PEBP4: variants seen among roughly 807,000 people sequenced by gnomAD.
The protein encoded by PEBP4 is phosphatidylethanolamine-binding protein 4.
A neutral mutation model predicts 23.9 loss-of-function variants in PEBP4; 22 were observed. The ratio of observed to expected loss-of-function variants is 0.92; its 90% CI spans 0.66 to 1.31. PEBP4 has a LOEUF of 1.31. PEBP4 is among the 40% of genes most tolerant of loss of function. The pLI, the probability that PEBP4 is intolerant of heterozygous loss-of-function variation, is 0.00. For synonymous variants in PEBP4, 112 were observed against 99.3 expected, an observed-to-expected ratio of 1.13 and a Z score of -0.76; for missense variants, 324 against 281.7, an observed-to-expected ratio of 1.15 and a Z score of -1.07.
intron 4 of PEBP4, chr8:22,744,667 CAGA>C (rs1462687487): frequency 2.0e-5 from 3 of 152,274 alleles, no homozygotes; most frequent in Non-Finnish European, 2.9e-5. Context: ...GGGGGCACGA[CAGA>C]AGAAGAGGAA....
chr8:22,802,195 TC>T (rs1344791815), intron 4 of PEBP4, among the ~76,000 whole-genome samples: 1 of 152,288 alleles, frequency 6.6e-6, no homozygotes, highest in East Asian at 1.9e-4. Context: ...CTCTCCCGAC[TC>T]TGGGCCACTG....
chr8:22,902,186 G>A (rs536157317), intron 3 of PEBP4, among the ~76,000 whole-genome samples: 28 of 152,090 alleles, frequency 1.8e-4, no homozygotes, highest in Admixed American at 1.3e-3. Flanking sequence ...AAAATTAGCC[G>A]GGCTTGGTGG....
intron 3 of PEBP4, among the ~76,000 whole-genome samples, chr8:22,857,227 T>TA (rs1807672484): frequency 7.0e-6 from 1 of 142,210 alleles, no homozygotes; most frequent in Non-Finnish European, 1.5e-5. Context: ...TTTCCTACTT[T>TA]AAAAAATGAA....
chr8:22,736,559 G>T (rs1804864315), intron 4 of PEBP4, among the ~76,000 whole-genome samples: 1 of 152,184 alleles, frequency 6.6e-6, no homozygotes, highest in African/African-American at 2.4e-5. Context: ...GAGCTATATT[G>T]TTGCACCACT....
intron 3 of PEBP4, among the ~76,000 whole-genome samples, chr8:22,914,469 C>G (rs921875092): frequency 6.6e-6 from 1 of 152,088 alleles, no homozygotes; most frequent in African/African-American, 2.4e-5. Context: ...CCTGGCAAAG[C>G]GGTGGTGTGA....
chr8:22,726,765 G>A (rs1400023603), intron 5 of PEBP4, among the ~76,000 whole-genome samples: 1 of 152,130 alleles, frequency 6.6e-6, no homozygotes, highest in South Asian at 2.1e-4. Flanking sequence ...TAAGTTTGGT[G>A]CCCAGTGCTG....
chr8:22,829,199 A>G lies in PEBP4; in HGVS notation c.259-11464T>C, dbSNP rs893009262. Among the ~76,000 whole-genome samples, 3 of 152,174 alleles carry G rather than the reference A, an allele frequency of 2.0e-5. No individual in the cohort carries two copies. The East Asian group carries it at 5.8e-4, about 29-fold the overall frequency. Reference sequence around the variant, plus strand: ...CAAAACCCCAAAGCTGGGTAAACCCAGCTTTCCTTTACTTCCATGTGTGAC... The same window carrying G: ...CAAAACCCCAAAGCTGGGTAAACCCGGCTTTCCTTTACTTCCATGTGTGAC... On this transcript the variant is annotated intron_variant, in intron 3 of 6. Transcript: ENST00000256404.
At chr8:22,790,906 T>C (rs1027081038) in intron 4 of PEBP4, among the ~76,000 whole-genome samples, 2 of 152,212 alleles carry the variant, frequency 1.3e-5, no homozygotes, top group African/African-American at 2.4e-5. Flanking sequence ...ATACAGTCTT[T>C]AGCAGGCGGC....
chr8:22,734,891 C>T (rs1804824871), intron 4 of PEBP4, among the ~76,000 whole-genome samples: 1 of 152,158 alleles, frequency 6.6e-6, no homozygotes, highest in South Asian at 2.1e-4. Flanking sequence ...GAGCTTCACC[C>T]AGAGCGTCAC....
intron 6 of PEBP4, among the ~76,000 whole-genome samples, chr8:22,721,359 A>C (rs10503717): frequency 0.24 from 36,603 of 151,978 alleles, 4,587 homozygotes; most frequent in Admixed American, 0.34. Context: ...TCAAGATCTC[A>C]TTTGCTGACC....
At position 22,927,717 on chromosome 8, in the gene PEBP4, G is replaced by T; in HGVS notation, c.-3C>A. On this transcript the variant is annotated 5_prime_UTR_variant, in exon 2 of 7. Transcript: ENST00000256404. ...ACCAGCCTCATTGTCCAACCCATGG[G>T]CACCTGGAACAGAAAGAACTTTAGA... is the stretch of plus-strand genomic sequence containing the variant. The T allele has an allele frequency of 6.2e-7, 1 of 1,613,412 alleles. No individual in the cohort carries two copies. The highest frequency in any genetic ancestry group is 8.5e-7 in the Non-Finnish European group (1 of 1,179,644).
intron 4 of PEBP4, among the ~76,000 whole-genome samples, chr8:22,812,437 G>T (rs1039641848): frequency 6.6e-6 from 1 of 152,178 alleles, no homozygotes; most frequent in South Asian, 2.1e-4. Flanking sequence ...TAATCACCTG[G>T]TTTATGGCCA....
At chr8:22,768,903 G>A (rs577253904) in intron 4 of PEBP4, among the ~76,000 whole-genome samples, 2 of 152,292 alleles carry the variant, frequency 1.3e-5, no homozygotes, top group African/African-American at 4.8e-5. Flanking sequence ...TGTGTGGCCT[G>A]GGACAGTCGT....
At chr8:22,863,036 G>A (rs1439395281) in intron 3 of PEBP4, among the ~76,000 whole-genome samples, 6 of 152,108 alleles carry the variant, frequency 3.9e-5, no homozygotes, top group South Asian at 4.2e-4. Context: ...TCCTGACCTC[G>A]TGATCTGCCT....
chr8:22,855,344 G>A (rs1195537042), intron 3 of PEBP4, among the ~76,000 whole-genome samples: 1 of 152,164 alleles, frequency 6.6e-6, no homozygotes, highest in African/African-American at 2.4e-5. Context: ...GGGAACTTTT[G>A]TAAAGATCTG....
rs538784751 is a variant in PEBP4 at position 22,755,485 on chromosome 8, G to A, written c.358-28265C>T. ...TGAGTAGCTGGGATTACAGGTGCCC[G>A]CCACCACACTCAGCTAATTTTTGTA... On this transcript the variant is annotated intron_variant, in intron 4 of 6. Transcript: ENST00000256404. 9.9e-5 allele frequency among the ~76,000 whole-genome samples: 15 copies of A among 151,940 alleles called. No individual in the cohort carries two copies. In the East Asian group the frequency reaches 1.7e-3, roughly 18 times the overall value.
chr8:22,786,474 G>A (rs1806030169), intron 4 of PEBP4, among the ~76,000 whole-genome samples: 1 of 152,044 alleles, frequency 6.6e-6, no homozygotes, highest in African/African-American at 2.4e-5. Context: ...GAAGAGACGG[G>A]GGCCTTGCCA....
At chr8:22,899,571 G>T (rs915557033) in intron 3 of PEBP4, among the ~76,000 whole-genome samples, 1 of 152,086 alleles carries the variant, frequency 6.6e-6, no homozygotes, top group Non-Finnish European at 1.5e-5. Context: ...TGGAACCTGC[G>T]ACTCACCCCG....
intron 4 of PEBP4, among the ~76,000 whole-genome samples, chr8:22,795,465 G>A (rs980354817): frequency 1.3e-5 from 2 of 152,002 alleles, no homozygotes; most frequent in Non-Finnish European, 2.9e-5. Flanking sequence ...ATGAACCACT[G>A]CTCCCGGCCT....
Sources: allele counts gnomAD v4.1 joint callset (sites outside exome capture counted in the v4.1 genomes callset), GRCh38; gene constraint gnomAD v4.1.1; transcripts MANE v1.5; gene names NCBI Gene and HGNC (gene_info 2026-07-23, HGNC 2026-07-21).